The following METTL9 variants were observed in gnomAD, a reference collection of about 807,000 sequenced individuals.
METTL9 encodes protein-L-histidine N-pros-methyltransferase.
In METTL9, 10 loss-of-function variants were observed where a neutral mutation model predicts 36.0. The observed-to-expected ratio is 0.28, with a 90% confidence interval of 0.17 to 0.47. The LOEUF (loss-of-function observed/expected upper bound fraction) is 0.47, where lower values mean the gene tolerates loss of function less well. Ranked by LOEUF, METTL9 falls within the 20% of genes least tolerant of loss-of-function variation. The pLI is 0.99. For missense variants in METTL9, 246 were observed against 383.5 expected (o/e 0.64, Z 3.00); for synonymous variants, 175 against 149.7 (o/e 1.17, Z -1.23).
intron 1 of METTL9, among the ~76,000 whole-genome samples, chr16:21,610,340 A>G (rs1269378484): frequency 3.9e-5 from 6 of 152,220 alleles, no homozygotes; most frequent in Non-Finnish European, 7.4e-5. Flanking sequence ...ATTCCTTTGT[A>G]TGGCAGAACA....
intron 4 of METTL9, among the ~76,000 whole-genome samples, chr16:21,635,537 T>G (rs1161415644): frequency 6.6e-6 from 1 of 152,190 alleles, no homozygotes; most frequent in Admixed American, 6.5e-5. Flanking sequence ...TTTCACTCCA[T>G]TTGCCTTCCT....
At chr16:21,647,161 T>A (rs755732200) in intron 4 of METTL9, 7 of 1,614,204 alleles carry the variant, frequency 4.3e-6, no homozygotes, top group Non-Finnish European at 5.9e-6. Flanking sequence ...TCCCTCCTCC[T>A]GTCTGTTTAG....
chr16:21,649,578 T>G (rs1966516083), intron 4 of METTL9, among the ~76,000 whole-genome samples: 1 of 152,204 alleles, frequency 6.6e-6, no homozygotes, highest in African/African-American at 2.4e-5. Context: ...GAGTGGAAAT[T>G]TAAAATGGAA....
At chr16:21,599,030 T>C (rs1486894244), upstream of METTL9, among the ~76,000 whole-genome samples, 1 of 152,012 alleles carries the variant, frequency 6.6e-6, no homozygotes, top group African/African-American at 2.4e-5. The surrounding 1 kb of genome is among the most constrained non-coding windows in gnomAD (Gnocchi z 4.4). Context: ...AAATGTAAAC[T>C]GGAAACTACG....
chr16:21,602,866 T>C (rs772007122), intron 1 of METTL9, among the ~76,000 whole-genome samples: 4 of 151,984 alleles, frequency 2.6e-5, no homozygotes, highest in Admixed American at 2.0e-4. Context: ...ACTATGTTGG[T>C]TAGGCTGGTC....
At chr16:21,609,567 C>T (rs555365709) in intron 1 of METTL9, among the ~76,000 whole-genome samples, 3 of 152,036 alleles carry the variant, frequency 2.0e-5, no homozygotes, top group Admixed American at 6.6e-5. Flanking sequence ...TGAAGTTGAA[C>T]GAACCAGGTG....
At position 21,657,155 on chromosome 16, in the gene METTL9, TAAG is replaced by T. The variant is rs1379777596; in HGVS notation, c.*1726_*1728del. 1 of 152,028 alleles carries T rather than the reference TAAG, an allele frequency of 6.6e-6. No homozygotes were observed. Among genetic ancestry groups the T allele is most frequent in the East Asian group, 1.9e-4 (1 of 5,192 alleles). 9.4% of individuals were successfully genotyped at this position (152,028 alleles called of 1,614,324 possible). On this transcript the variant is annotated 3_prime_UTR_variant, in exon 5 of 5. Transcript: ENST00000358154. ...TCAAGTAGAGAACTTTATGCTCTAA[TAAG>T]AAAAATACAACTCATTCTTAACCAC...
chr16:21,627,238 C>T (rs532980826), intron 4 of METTL9: 2 of 984,482 alleles, frequency 2.0e-6, no homozygotes, highest in Non-Finnish European at 2.4e-6. Flanking sequence ...TGTGTAGATT[C>T]ATGAATGCTG....
At chr16:21,621,555 G>A (rs1167995059) in intron 3 of METTL9, among the ~76,000 whole-genome samples, 1 of 151,822 alleles carries the variant, frequency 6.6e-6, no homozygotes, top group Non-Finnish European at 1.5e-5. Context: ...TCGAACTCCT[G>A]AACTCAGGCA....
rs1430700276 is a variant in METTL9 at position 21,625,082 on chromosome 16, C to T, written c.718C>T (p.Leu240Phe). Residue 240 changes from leucine to phenylalanine, a missense_variant, in exon 4 of 5, where the codon CTT becomes TTT. Coordinates refer to ENST00000358154, the MANE Select transcript of METTL9 (RefSeq NM_016025.5). Reference sequence around the variant, plus strand: ...AACTAGAGGCAGGGTCATCCTTGCCCTTGTCCTCCCCTTTCATCCCTATGT... The same window carrying T: ...AACTAGAGGCAGGGTCATCCTTGCCTTTGTCCTCCCCTTTCATCCCTATGT... ...EPTRGRVILA[L>F]VLPFHPYVEN... The T allele has an allele frequency of 4.3e-6, 7 of 1,614,066 alleles. No individual in the cohort carries two copies. Among genetic ancestry groups the T allele is most frequent in the Non-Finnish European group, 5.1e-6 (6 of 1,180,046 alleles).
intron 2 of METTL9, among the ~76,000 whole-genome samples, chr16:21,617,660 C>T (rs528404203): frequency 1.6e-4 from 24 of 151,310 alleles, no homozygotes; most frequent in African/African-American, 5.3e-4. Flanking sequence ...ACCCAGGAGG[C>T]GAAGGTTGCA....
At chr16:21,625,908 A>AT (rs1447594304) in intron 4 of METTL9, among the ~76,000 whole-genome samples, 2 of 151,976 alleles carry the variant, frequency 1.3e-5, no homozygotes, top group African/African-American at 2.4e-5. Context: ...TGTTTCATTT[A>AT]TTTTTTTGAG....
chr16:21,604,891 A>G (rs1383072569), intron 1 of METTL9, among the ~76,000 whole-genome samples: 4 of 152,124 alleles, frequency 2.6e-5, no homozygotes, highest in Non-Finnish European at 5.9e-5. Context: ...GCCTAGACCT[A>G]CAGTTTGGTT....
At chr16:21,630,777 T>A (rs1249140605) in intron 4 of METTL9, among the ~76,000 whole-genome samples, 1 of 152,044 alleles carries the variant, frequency 6.6e-6, no homozygotes, top group Admixed American at 6.5e-5. Context: ...GACAAGAAGG[T>A]TAAAATTACA....
chr16:21,609,432 G>A (rs1965372685), intron 1 of METTL9, among the ~76,000 whole-genome samples: 1 of 152,182 alleles, frequency 6.6e-6, no homozygotes, highest in Non-Finnish European at 1.5e-5. Context: ...TCAATTCAGA[G>A]ATTGTAAATA....
intron 4 of METTL9, chr16:21,643,087 G>T: frequency 1.2e-6 from 2 of 1,600,596 alleles, no homozygotes; most frequent in Non-Finnish European, 8.5e-7. Flanking sequence ...TTGCTGATTT[G>T]TTTCCACATG....
chr16:21,653,724 C>CT, intron 4 of METTL9: 1 of 152,634 alleles, frequency 6.6e-6, no homozygotes, highest in South Asian at 2.1e-4. Context: ...TGCCATTGCT[C>CT]CACCCCCAGA....
chr16:21,653,160 C>T (rs1966623701), intron 4 of METTL9: 1 of 152,246 alleles, frequency 6.6e-6, no homozygotes, highest in South Asian at 2.1e-4. Flanking sequence ...GTCTCTATCA[C>T]CCAGGCTGGA....
Position 21,647,596 on chromosome 16 carries a change from A to G in METTL9, c.752-7631A>G, listed in dbSNP as rs1310884252. 5 of 1,376,756 alleles carry G rather than the reference A, an allele frequency of 3.6e-6. No individual in the cohort carries two copies. The East Asian group carries it at 1.2e-4, about 33-fold the overall frequency. 85.3% of individuals were successfully genotyped at this position (1,376,756 alleles called of 1,614,324 possible). On this transcript the variant is annotated intron_variant, in intron 4 of 4. Coordinates refer to ENST00000358154, the MANE Select transcript of METTL9 (RefSeq NM_016025.5). ...ACCCAGCCATTCTGTTATTTTTCTTACCTTAATCCCAATATAAATAAGACT... is the reference window on the plus strand; with the variant it reads ...ACCCAGCCATTCTGTTATTTTTCTTGCCTTAATCCCAATATAAATAAGACT...
Sources: allele counts gnomAD v4.1 joint callset (sites outside exome capture counted in the v4.1 genomes callset), GRCh38; gene constraint gnomAD v4.1.1; non-coding constraint Gnocchi (gnomAD v3.1); transcripts MANE v1.5; gene names NCBI Gene and HGNC (gene_info 2026-07-23, HGNC 2026-07-21).